EYA1: variants seen among roughly 807,000 people sequenced by gnomAD.
The protein encoded by EYA1 is EYA transcriptional coactivator and phosphatase 1, also known as protein phosphatase EYA1.
EYA1 carries 16 observed loss-of-function variants against 82.0 expected under a neutral mutation model. The observed-to-expected ratio is 0.20, with a 90% CI of 0.13 to 0.30. The LOEUF (loss-of-function observed/expected upper bound fraction) is 0.30. EYA1 is among the 10% of genes least tolerant of loss of function. EYA1 has a pLI of 1.00. For synonymous variants in EYA1, 261 were observed against 264.4 expected (o/e 0.99, Z 0.12); for missense variants, 633 against 730.7 (o/e 0.87, Z 1.54).
chr8:71,455,329 A>G (rs1484983041), intron 2 of EYA1, among the ~76,000 whole-genome samples: 1 of 152,230 alleles, frequency 6.6e-6, no homozygotes, highest in East Asian at 1.9e-4. Context: ...TACCAGAGGT[A>G]CAAGGAGGAG....
intron 2 of EYA1, among the ~76,000 whole-genome samples, chr8:71,387,909 CA>C: frequency 6.6e-6 from 1 of 151,886 alleles, no homozygotes; most frequent in Non-Finnish European, 1.5e-5. Flanking sequence ...GGGCTGAACA[CA>C]AAAACCCAAG....
intron 4 of EYA1, among the ~76,000 whole-genome samples, chr8:71,330,015 G>C (rs1313206318): frequency 1.3e-5 from 2 of 152,084 alleles, no homozygotes; most frequent in Admixed American, 1.3e-4. Context: ...TACAGGGAAA[G>C]GACTGCCAGC....
rs999142341 is a variant in EYA1, at chr8:71,354,783, T to C, written c.123A>G (p.Glu41=). The C allele has an allele frequency of 1.9e-6, 3 of 1,612,852 alleles. No homozygotes were observed. The highest frequency in any genetic ancestry group is 2.7e-5 in the African/African-American group (2 of 74,922). ...AATAGTGAGAAGGCAGACACTCACC[T>C]TCGGTGCCATTGGGAGTCATGGAAT... ...NSNSMTPNGT[E]VKTEPMSSSE... is the part of the protein sequence containing the mutation. The change falls in exon 3 of 18, where the codon GAA becomes GAG. Residue 41 remains glutamate, a splice_region_variant and synonymous_variant. Transcript: ENST00000340726.
intron 2 of EYA1, among the ~76,000 whole-genome samples, chr8:71,503,579 C>T (rs1811976204): frequency 6.6e-6 from 1 of 152,062 alleles, no homozygotes; most frequent in African/African-American, 2.4e-5. Flanking sequence ...TAGAAACATA[C>T]TCTTACACAC....
At chr8:71,458,117 C>CA (rs1274016332) in intron 2 of EYA1, among the ~76,000 whole-genome samples, 3 of 151,774 alleles carry the variant, frequency 2.0e-5, no homozygotes, top group Admixed American at 1.3e-4. Context: ...AGGATATAAA[C>CA]AAAAAAACTT....
intron 7 of EYA1, among the ~76,000 whole-genome samples, chr8:71,315,163 T>G (rs1201631599): frequency 6.6e-6 from 1 of 152,040 alleles, no homozygotes; most frequent in Admixed American, 6.6e-5. Flanking sequence ...GACTGACAAC[T>G]GAGCAAAATA....
chr8:71,319,134 A>ATT (rs112207518), intron 6 of EYA1, among the ~76,000 whole-genome samples: 23 of 143,724 alleles, frequency 1.6e-4, no homozygotes, highest in East Asian at 1.0e-3. Flanking sequence ...TAATTCATGT[A>ATT]TTTTTTTTTT....
intron 2 of EYA1, among the ~76,000 whole-genome samples, chr8:71,467,715 T>TG (rs1164149877): frequency 1.3e-5 from 2 of 152,174 alleles, no homozygotes; most frequent in African/African-American, 4.8e-5. Flanking sequence ...TTGGTTGGTA[T>TG]GGATACTGGC....
chr8:71,369,152 C>T (rs540191625), intron 2 of EYA1, among the ~76,000 whole-genome samples: 1 of 142,842 alleles, frequency 7.0e-6, no homozygotes, highest in Admixed American at 7.2e-5. Context: ...GCAGTGAGCC[C>T]AGATCACATC....
chr8:71,522,339 C>T (rs1364244841), intron 2 of EYA1, among the ~76,000 whole-genome samples: 1 of 152,158 alleles, frequency 6.6e-6, no homozygotes. Context: ...ACATTATTTT[C>T]TATGCAGGAG....
At chr8:71,379,311 A>C (rs960483082) in intron 2 of EYA1, among the ~76,000 whole-genome samples, 1 of 152,072 alleles carries the variant, frequency 6.6e-6, no homozygotes, top group African/African-American at 2.4e-5. Flanking sequence ...ACATCTCTAC[A>C]GGGGCCACAG....
chr8:71,507,528 A>T (rs1206662330), intron 2 of EYA1, among the ~76,000 whole-genome samples: 3 of 152,208 alleles, frequency 2.0e-5, no homozygotes, highest in African/African-American at 7.2e-5. Context: ...CTAGGAATTC[A>T]TCCCACACAT....
intron 12 of EYA1, among the ~76,000 whole-genome samples, chr8:71,232,366 C>A (rs1200458175): frequency 6.6e-6 from 1 of 152,240 alleles, no homozygotes; most frequent in African/African-American, 2.4e-5. Flanking sequence ...CCGCTGCATG[C>A]CGTGACACCA....
At chr8:71,263,303 C>T (rs1349457700) in intron 11 of EYA1, among the ~76,000 whole-genome samples, 1 of 152,158 alleles carries the variant, frequency 6.6e-6, no homozygotes, top group Non-Finnish European at 1.5e-5. Flanking sequence ...CCACCCCCTC[C>T]CCTGGGGATT....
chr8:71,317,237 TGAC>T (rs1822024387), intron 7 of EYA1, among the ~76,000 whole-genome samples: 2 of 152,252 alleles, frequency 1.3e-5, no homozygotes, highest in African/African-American at 2.4e-5. Context: ...CCTACGTGGC[TGAC>T]TTTTGACTTT....
chr8:71,381,437 T>G (rs773605396), intron 2 of EYA1, among the ~76,000 whole-genome samples: 1 of 152,064 alleles, frequency 6.6e-6, no homozygotes, highest in African/African-American at 2.4e-5. Flanking sequence ...CAAAAGGAGA[T>G]GAAACGCCGG....
chr8:71,493,559 T>C (rs1352944251), intron 2 of EYA1, among the ~76,000 whole-genome samples: 1 of 152,222 alleles, frequency 6.6e-6, no homozygotes, highest in Non-Finnish European at 1.5e-5. Context: ...TCATAGGAAC[T>C]TTCTGAAAGT....
chr8:71,416,032 C>G (rs1830835887), intron 2 of EYA1, among the ~76,000 whole-genome samples: 1 of 152,314 alleles, frequency 6.6e-6, no homozygotes, highest in African/African-American at 2.4e-5. Context: ...CTGCTCTTCC[C>G]CTGCTTCCCT....
intron 3 of EYA1, among the ~76,000 whole-genome samples, chr8:71,346,479 G>GT (rs1411278825): frequency 1.7e-5 from 2 of 114,726 alleles, no homozygotes; most frequent in African/African-American, 3.3e-5. Flanking sequence ...TCTCCCTGCA[G>GT]TTTTCCCCAC....
Sources: gnomAD v4.1 joint callset for allele counts (sites outside exome capture counted in the v4.1 genomes callset) on GRCh38, gnomAD v4.1.1 for gene constraint, MANE v1.5 for transcripts, NCBI Gene and HGNC (gene_info 2026-07-23, HGNC 2026-07-21) for gene names.